ANKRD44: variants seen among roughly 807,000 people sequenced by gnomAD.
ANKRD44 encodes ankyrin repeat domain 44.
A neutral mutation model predicts 116.0 loss-of-function variants in ANKRD44; 35 were observed. That is an observed-to-expected ratio of 0.30 (90% confidence interval 0.23 to 0.40). The LOEUF is 0.40. Ranked by LOEUF, ANKRD44 falls within the 10% of genes least tolerant of loss-of-function variation. ANKRD44 has a pLI of 1.00. For missense variants in ANKRD44, 1,014 were observed against 1,242.6 expected, an observed-to-expected ratio of 0.82 and a Z score of 2.77; for synonymous variants, 435 against 461.8, an observed-to-expected ratio of 0.94 and a Z score of 0.74.
intron 11 of ANKRD44, 146 bp downstream of exon 11, chr2:197,089,804 G>T: frequency 1.7e-6 from 1 of 604,264 alleles, no homozygotes; most frequent in Non-Finnish European, 2.9e-6. Flanking sequence ...GCTGTCACAT[G>T]CAGTTAGCTG....
At chr2:197,068,217 C>G (rs866455893) in intron 16 of ANKRD44, among the ~76,000 whole-genome samples, 2,605 of 73,548 alleles carry the variant, frequency 0.035, 146 homozygotes, top group African/African-American at 0.13. Flanking sequence ...GTGGTGGGGT[C>G]GGGGGAGGGG....
intron 14 of ANKRD44, among the ~76,000 whole-genome samples, chr2:197,082,917 C>A (rs2077830850): frequency 6.6e-6 from 1 of 152,200 alleles, no homozygotes; most frequent in Non-Finnish European, 1.5e-5. Flanking sequence ...GGCATTCATA[C>A]CCAGGTTTGG....
chr2:197,282,546 T>C (rs1006474357), intron 1 of ANKRD44, among the ~76,000 whole-genome samples: 3 of 152,178 alleles, frequency 2.0e-5, no homozygotes, highest in Middle Eastern at 3.2e-3. Flanking sequence ...ATGGCAGATC[T>C]GAGGGCCACC....
intron 27 of ANKRD44, 169 bp from the exon 28 acceptor site, chr2:196,989,818 C>A: frequency 7.2e-7 from 1 of 1,392,252 alleles, no homozygotes; most frequent in Non-Finnish European, 9.3e-7. Flanking sequence ...GACTGAGAAG[C>A]TCATTTTACT....
chr2:197,037,267 G>A (rs1377674732), intron 16 of ANKRD44, among the ~76,000 whole-genome samples: 1 of 152,204 alleles, frequency 6.6e-6, no homozygotes, highest in African/African-American at 2.4e-5. Flanking sequence ...AAGTGAAATG[G>A]TTGAATCAGA....
downstream of ANKRD44, among the ~76,000 whole-genome samples, chr2:196,982,083 T>C (rs186394529): frequency 4.5e-4 from 41 of 90,164 alleles, no homozygotes; most frequent in East Asian, 0.012. Context: ...GGGAATCTCT[T>C]CTCATTTGTC....
intron 16 of ANKRD44, among the ~76,000 whole-genome samples, chr2:197,025,494 T>C (rs1367436649): frequency 2.6e-5 from 4 of 152,210 alleles, no homozygotes; most frequent in Non-Finnish European, 4.4e-5. Flanking sequence ...CATTTTCACC[T>C]GGCAAACAGA....
chr2:197,152,716 A>G (rs1477929614), intron 2 of ANKRD44, among the ~76,000 whole-genome samples: 1 of 152,228 alleles, frequency 6.6e-6, no homozygotes, highest in African/African-American at 2.4e-5. Context: ...CTGTGTAGAC[A>G]GGCAGACTGA....
intron 25 of ANKRD44, 118 bp downstream of exon 25, chr2:196,998,219 G>A: frequency 2.7e-6 from 2 of 748,286 alleles, no homozygotes; most frequent in South Asian, 2.2e-5. Context: ...CAAGACCCTG[G>A]GAAAATGTAC....
At chr2:197,191,947 A>T (rs1334427973) in intron 1 of ANKRD44, among the ~76,000 whole-genome samples, 5 of 152,180 alleles carry the variant, frequency 3.3e-5, no homozygotes, top group African/African-American at 4.8e-5. Flanking sequence ...TTCAATTATT[A>T]TGTCAATTCC....
Position 196,988,442 on chromosome 2 carries a change from G to C in ANKRD44, c.*1149C>G. 7 of 985,256 alleles carry C rather than the reference G, an allele frequency of 7.1e-6. No individual in the cohort carries two copies. Among genetic ancestry groups the C allele is most frequent in the Non-Finnish European group, 8.4e-6 (7 of 829,858 alleles). The allele number at this position is 985,256 out of a possible 1,614,324, so 61.0% of individuals were successfully genotyped here. ...AACACCAAGAATTCAAAAAAACAAT[G>C]GTGGTGGTGTGGAAAATTTTCAGTG... is the stretch of plus-strand genomic sequence containing the variant. On this transcript the variant is annotated 3_prime_UTR_variant, in exon 28 of 28. Transcript: ENST00000282272.
At chr2:197,272,293 C>T (rs547914735) in intron 1 of ANKRD44, among the ~76,000 whole-genome samples, 161 of 152,306 alleles carry the variant, frequency 1.1e-3, no homozygotes, top group Non-Finnish European at 3.2e-4. Flanking sequence ...GGCTGGAGTG[C>T]AGTGACACGA....
chr2:197,208,230 G>A (rs1015700962), intron 1 of ANKRD44, among the ~76,000 whole-genome samples: 3 of 152,108 alleles, frequency 2.0e-5, no homozygotes, highest in African/African-American at 7.2e-5. Context: ...TTGATACCAG[G>A]TGACAACCCC....
chr2:197,118,783 C>T (rs1248344427), intron 8 of ANKRD44, among the ~76,000 whole-genome samples: 1 of 152,132 alleles, frequency 6.6e-6, no homozygotes, highest in Non-Finnish European at 1.5e-5. Flanking sequence ...CACACATAAC[C>T]ATAACATTTT....
chr2:197,062,426 A>T (rs1379313246), intron 16 of ANKRD44, among the ~76,000 whole-genome samples: 3 of 152,212 alleles, frequency 2.0e-5, no homozygotes, highest in Non-Finnish European at 4.4e-5. Flanking sequence ...TTAATTCTAT[A>T]CTCAGGAAGA....
intron 16 of ANKRD44, among the ~76,000 whole-genome samples, chr2:197,040,414 T>G (rs2076889698): frequency 7.2e-6 from 1 of 139,508 alleles, no homozygotes; most frequent in South Asian, 2.4e-4. Flanking sequence ...TGTCACTCTG[T>G]CACCCAGGCT....
chr2:196,975,832 AGAAAGAAAGAAG>A (rs2075756510), intron 21 of ANKRD44, among the ~76,000 whole-genome samples: 4 of 150,310 alleles, frequency 2.7e-5, no homozygotes, highest in South Asian at 2.1e-4. Flanking sequence ...AAAGAAAGAA[AGAAAGAAAGAAG>A]GAAAGAAGGA....
chr2:197,110,514 A>G (rs907296501), intron 9 of ANKRD44, among the ~76,000 whole-genome samples: 3 of 152,144 alleles, frequency 2.0e-5, no homozygotes, highest in Non-Finnish European at 1.5e-5. Flanking sequence ...ATCATTTCCA[A>G]TTTCAAAGCT....
chr2:197,169,865 G>GAT (rs2080184816), intron 2 of ANKRD44, among the ~76,000 whole-genome samples: 1 of 151,984 alleles, frequency 6.6e-6, no homozygotes, highest in South Asian at 2.1e-4. Flanking sequence ...GGCTCTGAGG[G>GAT]ATCATCCCAG....
Sources: gnomAD v4.1 joint callset for allele counts (sites outside exome capture counted in the v4.1 genomes callset) on GRCh38, gnomAD v4.1.1 for gene constraint, MANE v1.5 for transcripts, NCBI Gene and HGNC (gene_info 2026-07-23, HGNC 2026-07-21) for gene names.